NEGR1: variants seen among roughly 807,000 people sequenced by gnomAD.
The protein encoded by NEGR1 is IgLON family member 4.
Under a neutral mutation model 40.9 loss-of-function variants are expected in NEGR1, and 10 were observed. That is an observed-to-expected ratio of 0.24 (90% CI 0.15 to 0.42). The LOEUF (loss-of-function observed/expected upper bound fraction) is 0.42. Ranked by LOEUF, NEGR1 falls within the 10% of genes least tolerant of loss-of-function variation. The pLI, the probability that NEGR1 is intolerant of heterozygous loss-of-function variation, is 1.00. For missense variants in NEGR1, 352 were observed against 438.9 expected, an observed-to-expected ratio of 0.80 and a Z score of 1.77; for synonymous variants, 185 against 166.8, an observed-to-expected ratio of 1.11 and a Z score of -0.84.
chr1:71,839,198 C>CTTTTTTTTTTTTTTTTTT, intron 2 of NEGR1, among the ~76,000 whole-genome samples: 1 of 80,030 alleles, frequency 1.2e-5, no homozygotes, highest in Non-Finnish European at 2.3e-5. Context: ...AGAGACCAGA[C>CTTTTTTTTTTTTTTTTTT]TTTTTTTTTT....
chr1:71,862,420 CCT>C (rs1288545797), intron 2 of NEGR1, among the ~76,000 whole-genome samples: 1 of 152,000 alleles, frequency 6.6e-6, no homozygotes, highest in Non-Finnish European at 1.5e-5. Context: ...TCACTCACTC[CCT>C]GTTTCCCTAG....
At chr1:71,468,494 A>G (rs1377915717) in intron 6 of NEGR1, 1 of 151,980 alleles carries the variant, frequency 6.6e-6, no homozygotes, top group Non-Finnish European at 1.5e-5. Flanking sequence ...CTTTCCTCAT[A>G]CACATTATAT....
chr1:71,668,553 T>C (rs908508678), intron 4 of NEGR1, among the ~76,000 whole-genome samples: 6 of 152,290 alleles, frequency 3.9e-5, no homozygotes, highest in African/African-American at 1.4e-4. Flanking sequence ...TCATTGGTAC[T>C]GGAAATAGCA....
intron 1 of NEGR1, among the ~76,000 whole-genome samples, chr1:72,209,746 G>T (rs901179089): frequency 1.3e-5 from 2 of 151,632 alleles, no homozygotes; most frequent in African/African-American, 4.8e-5. Context: ...GGAGATACAC[G>T]CATGTATCTT....
rs142917078 is a variant in NEGR1 at position 72,000,155 on chromosome 1, A to G, written c.177-64844T>C. On this transcript the variant is annotated intron_variant, in intron 1 of 6. Transcript: ENST00000357731. The stretch of plus-strand genomic sequence containing the variant: ...CATATCATAGTGATGAATATTTCAG[A>G]AAAGTCATCATGAATGATGGTTTTT... Among the ~76,000 whole-genome samples, 547 of 152,204 alleles carry G rather than the reference A, an allele frequency of 3.6e-3. 2 individuals are homozygous for G. Among genetic ancestry groups the G allele is most frequent in the African/African-American group, 0.012 (515 of 41,576 alleles).
In NEGR1 at chr1:71,867,745, C is replaced by G. The variant is rs1660159919; in HGVS notation, c.409+67334G>C. Among the ~76,000 whole-genome samples the G allele has an allele frequency of 1.3e-5, 2 of 152,130 alleles. 1 individual carries two copies. Among genetic ancestry groups the G allele is most frequent in the African/African-American group, 4.8e-5 (2 of 41,442 alleles). Reference sequence around the variant, plus strand: ...ATTATTAATTAACTGGCTCAACCACCTCTACAATATTTATTTTCTATGAAG... The same window carrying G: ...ATTATTAATTAACTGGCTCAACCACGTCTACAATATTTATTTTCTATGAAG... On this transcript the variant is annotated intron_variant, in intron 2 of 6. Transcript: ENST00000357731.
At chr1:71,667,483 T>A (rs951146045) in intron 4 of NEGR1, among the ~76,000 whole-genome samples, 1 of 152,070 alleles carries the variant, frequency 6.6e-6, no homozygotes, top group Non-Finnish European at 1.5e-5. Context: ...CTGGGTGGGA[T>A]TGGGAGATCT....
intron 4 of NEGR1, among the ~76,000 whole-genome samples, chr1:71,639,837 A>G (rs572204599): frequency 8.5e-5 from 13 of 152,170 alleles, no homozygotes; most frequent in African/African-American, 2.6e-4. Context: ...GGGTGGAGGA[A>G]GGGAATGGGA....
intron 1 of NEGR1, among the ~76,000 whole-genome samples, chr1:71,972,586 G>T (rs1338573444): frequency 6.6e-6 from 1 of 152,010 alleles, no homozygotes; most frequent in Non-Finnish European, 1.5e-5. Context: ...TGTGAAAAAG[G>T]TCACTCTTCA....
chr1:71,431,705 G>T (rs1189613795), intron 6 of NEGR1, among the ~76,000 whole-genome samples: 6 of 151,940 alleles, frequency 3.9e-5, no homozygotes, highest in Non-Finnish European at 8.8e-5. Context: ...TTTACATTTT[G>T]GGCAAACAAA....
intron 1 of NEGR1, among the ~76,000 whole-genome samples, chr1:72,171,494 G>A (rs2100394960): frequency 6.6e-6 from 1 of 152,254 alleles, no homozygotes; most frequent in Non-Finnish European, 1.5e-5. Flanking sequence ...TTACATACAA[G>A]AACCTTCGGC....
At chr1:72,196,859 CA>C (rs1653019907) in intron 1 of NEGR1, among the ~76,000 whole-genome samples, 1 of 151,114 alleles carries the variant, frequency 6.6e-6, no homozygotes, top group Non-Finnish European at 1.5e-5. Context: ...CATAGTGCCA[CA>C]AAAAGTCATT....
intron 6 of NEGR1, among the ~76,000 whole-genome samples, chr1:71,580,929 A>G (rs1488427879): frequency 6.6e-6 from 1 of 152,208 alleles, no homozygotes; most frequent in African/African-American, 2.4e-5. Flanking sequence ...TTTAAGGCCA[A>G]TTGAGAAAGT....
chr1:71,758,191 T>A (rs1655807711), intron 3 of NEGR1, among the ~76,000 whole-genome samples: 1 of 152,100 alleles, frequency 6.6e-6, no homozygotes, highest in African/African-American at 2.4e-5. Flanking sequence ...TAATATTGCC[T>A]TTTCAATAGA....
rs189527875 is a variant in NEGR1 at position 71,467,910 on chromosome 1, A to G, written c.941-60340T>C. On this transcript the variant is annotated intron_variant, in intron 6 of 6. Transcript: ENST00000357731. Reference sequence around the variant, plus strand: ...TCATAGAGCACATTGTAAATAATAAATTGTTATTACATTCTAGTGAAAAAT... The same window carrying G: ...TCATAGAGCACATTGTAAATAATAAGTTGTTATTACATTCTAGTGAAAAAT... Among the ~76,000 whole-genome samples, 21 of 152,096 alleles carry G rather than the reference A, an allele frequency of 1.4e-4. No homozygotes were observed. In the East Asian group the frequency reaches 2.7e-3, roughly 20 times the overall value.
At chr1:71,995,850 TG>T (rs1646499734) in intron 1 of NEGR1, among the ~76,000 whole-genome samples, 1 of 152,176 alleles carries the variant, frequency 6.6e-6, no homozygotes, top group Non-Finnish European at 1.5e-5. Flanking sequence ...TGAAATTAAT[TG>T]AAGTTTTGTT....
chr1:71,733,955 C>G (rs1309242603), intron 3 of NEGR1, among the ~76,000 whole-genome samples: 1 of 152,152 alleles, frequency 6.6e-6, no homozygotes, highest in Non-Finnish European at 1.5e-5. Flanking sequence ...TCTTTCAACA[C>G]TATTCAGATC....
At chr1:71,852,261 G>A (rs1016222676) in intron 2 of NEGR1, among the ~76,000 whole-genome samples, 4 of 152,034 alleles carry the variant, frequency 2.6e-5, no homozygotes, top group Admixed American at 2.6e-4. Flanking sequence ...AACATAAAGT[G>A]GTCTAACTCT....
chr1:71,503,796 T>A (rs993387921), intron 6 of NEGR1, among the ~76,000 whole-genome samples: 1 of 151,906 alleles, frequency 6.6e-6, no homozygotes, highest in Non-Finnish European at 1.5e-5. Context: ...TGAAATGATG[T>A]CTGTCATAAA....
Sources: gnomAD v4.1 joint callset for allele counts (sites outside exome capture counted in the v4.1 genomes callset) on GRCh38, gnomAD v4.1.1 for gene constraint, MANE v1.5 for transcripts, NCBI Gene and HGNC (gene_info 2026-07-23, HGNC 2026-07-21) for gene names.